The following CADM2 variants were observed in gnomAD, a reference collection of about 807,000 sequenced individuals.
CADM2 encodes immunoglobulin superfamily member 4D.
A neutral mutation model predicts 49.8 loss-of-function variants in CADM2; 12 were observed. The observed-to-expected ratio is 0.24, with a 90% confidence interval of 0.15 to 0.39. The LOEUF (loss-of-function observed/expected upper bound fraction) is 0.39. Ranked by LOEUF, CADM2 falls within the 10% of genes least tolerant of loss-of-function variation. The probability of loss-of-function intolerance (pLI) is 1.00; values close to 1 mark genes in which losing one functional copy is unlikely to be tolerated. For synonymous variants in CADM2, 214 were observed against 175.4 expected (o/e 1.22, Z -1.74); for missense variants, 378 against 492.3 (o/e 0.77, Z 2.20).
intron 8 of CADM2, among the ~76,000 whole-genome samples, chr3:86,044,412 A>C (rs1442085606): frequency 2.0e-5 from 3 of 152,248 alleles, no homozygotes; most frequent in African/African-American, 7.2e-5. Context: ...ATATGAACAG[A>C]CACTTCTCAA....
intron 1 of CADM2, among the ~76,000 whole-genome samples, chr3:85,174,446 T>A (rs371117279): frequency 6.6e-6 from 1 of 151,680 alleles, no homozygotes; most frequent in African/African-American, 2.4e-5. Flanking sequence ...GTGAGGTGAC[T>A]TTTCCTTACC....
At chr3:85,147,853 A>G (rs1352484422) in intron 1 of CADM2, among the ~76,000 whole-genome samples, 1 of 152,202 alleles carries the variant, frequency 6.6e-6, no homozygotes, top group Non-Finnish European at 1.5e-5. Flanking sequence ...TTTAAAATTT[A>G]GAAATGTTTT....
chr3:85,152,526 C>A (rs888069898), intron 1 of CADM2, among the ~76,000 whole-genome samples: 2 of 152,188 alleles, frequency 1.3e-5, no homozygotes, highest in African/African-American at 4.8e-5. Flanking sequence ...TTTCTCAATA[C>A]TAATATTGAT....
chr3:85,406,685 T>A (rs1047321040), intron 1 of CADM2, among the ~76,000 whole-genome samples: 13 of 152,296 alleles, frequency 8.5e-5, no homozygotes, highest in Non-Finnish European at 2.9e-5. Flanking sequence ...CCTCTCCACC[T>A]CTTGACGTCA....
intron 8 of CADM2, among the ~76,000 whole-genome samples, chr3:86,048,396 T>C (rs542691509): frequency 1.8e-4 from 27 of 152,122 alleles, no homozygotes; most frequent in African/African-American, 6.3e-4. Context: ...TATTAAGATG[T>C]ATAACTAATG....
rs78286247 is a variant in CADM2 at position 85,836,631 on chromosome 3, G to A, written c.238+34435G>A. 8.4e-3 allele frequency among the ~76,000 whole-genome samples: 1,269 copies of A among 151,622 alleles called. 12 individuals carry two copies. The highest frequency in any genetic ancestry group is 0.014 in the Non-Finnish European group (932 of 67,650). On this transcript the variant is annotated intron_variant, in intron 3 of 9. Coordinates refer to ENST00000383699, the MANE Select transcript of CADM2 (RefSeq NM_001167675.2). ...ATATCTATTTGGAGAGATTTAATGG[G>A]ACTGAAATAGAGGGTAATGGATACT...
At chr3:85,723,097 C>CAT (rs763303267) in intron 1 of CADM2, among the ~76,000 whole-genome samples, 5 of 152,122 alleles carry the variant, frequency 3.3e-5, no homozygotes, top group African/African-American at 7.2e-5. Flanking sequence ...TTTTTCCTCA[C>CAT]ATATATATAC....
chr3:85,011,038 G>T (rs1309007314), intron 1 of CADM2, among the ~76,000 whole-genome samples: 2 of 150,986 alleles, frequency 1.3e-5, no homozygotes, highest in Non-Finnish European at 3.0e-5. Flanking sequence ...TAATTTTTTT[G>T]TATTTTTAGT....
intron 1 of CADM2, among the ~76,000 whole-genome samples, chr3:85,275,781 T>G (rs562260439): frequency 6.6e-6 from 1 of 151,216 alleles, no homozygotes; most frequent in Non-Finnish European, 1.5e-5. Flanking sequence ...TATAAAATAA[T>G]AAGTAAATAT....
At chr3:85,664,351 C>G (rs957375731) in intron 1 of CADM2, among the ~76,000 whole-genome samples, 1 of 151,982 alleles carries the variant, frequency 6.6e-6, no homozygotes, top group Non-Finnish European at 1.5e-5. Context: ...GTTCAAAATT[C>G]TGTCCTTCTC....
intron 1 of CADM2, among the ~76,000 whole-genome samples, chr3:85,174,319 G>A (rs376813660): frequency 1.3e-5 from 2 of 152,072 alleles, no homozygotes; most frequent in African/African-American, 2.4e-5. Flanking sequence ...AGTTTAAATT[G>A]TCAGGTTTGT....
rs193216572 is a variant in CADM2 at position 85,671,804 on chromosome 3, T to G, written c.62-54718T>G. Among the ~76,000 whole-genome samples the G allele has an allele frequency of 1.4e-3, 207 of 152,346 alleles. 2 individuals carry two copies. The highest frequency in any genetic ancestry group is 2.0e-3 in the Admixed American group (31 of 15,304). ...TTTATCTTCTCATATGTGTACCCTT[T>G]GTGTATATACTCATTCTGAATTAGC... On this transcript the variant is annotated intron_variant, in intron 1 of 9. Transcript: ENST00000383699.
At chr3:85,363,527 T>G (rs560346281) in intron 1 of CADM2, among the ~76,000 whole-genome samples, 1 of 152,368 alleles carries the variant, frequency 6.6e-6, no homozygotes. Flanking sequence ...GTTTAGTCTT[T>G]ATACAAAACA....
intron 8 of CADM2, among the ~76,000 whole-genome samples, chr3:86,039,451 C>G (rs956122509): frequency 3.9e-5 from 6 of 152,166 alleles, no homozygotes; most frequent in African/African-American, 1.4e-4. Flanking sequence ...ACGCCTGGCT[C>G]AGAGGGTCCC....
chr3:85,001,853 C>T (rs915169496), intron 1 of CADM2, among the ~76,000 whole-genome samples: 1 of 151,414 alleles, frequency 6.6e-6, no homozygotes, highest in African/African-American at 2.4e-5. Context: ...ATTCTTAATC[C>T]CACTCCTTCT....
intron 1 of CADM2, among the ~76,000 whole-genome samples, chr3:85,079,661 C>G (rs955918614): frequency 6.6e-6 from 1 of 151,706 alleles, no homozygotes; most frequent in South Asian, 2.1e-4. Flanking sequence ...CACATAATTT[C>G]AATTTCTGTA....
At chr3:84,988,811 C>CAT (rs1242754967) in intron 1 of CADM2, among the ~76,000 whole-genome samples, 1 of 152,140 alleles carries the variant, frequency 6.6e-6, no homozygotes, top group African/African-American at 2.4e-5. Flanking sequence ...ATCTCAAAAT[C>CAT]ATGTATTACC....
At chr3:85,373,064 T>A (rs540878967) in intron 1 of CADM2, among the ~76,000 whole-genome samples, 28 of 152,170 alleles carry the variant, frequency 1.8e-4, no homozygotes, top group Admixed American at 9.8e-4. Flanking sequence ...TCAAAACCAA[T>A]CATGGCTTCC....
At chr3:85,577,111 T>C (rs1163318665) in intron 1 of CADM2, among the ~76,000 whole-genome samples, 2 of 152,186 alleles carry the variant, frequency 1.3e-5, no homozygotes, top group Non-Finnish European at 2.9e-5. Context: ...TCTTTATCCG[T>C]TGATTCTCTA....
Sources: allele counts gnomAD v4.1 joint callset (sites outside exome capture counted in the v4.1 genomes callset), GRCh38; gene constraint gnomAD v4.1.1; transcripts MANE v1.5; gene names NCBI Gene and HGNC (gene_info 2026-07-23, HGNC 2026-07-21).